ABCA10: variants seen among roughly 807,000 people sequenced by gnomAD.
ABCA10 encodes the protein ATP binding cassette subfamily A member 10, also known as ATP-binding cassette sub-family A member 10.
ABCA10 carries 169 observed loss-of-function variants against 187.5 expected under a neutral mutation model. The observed-to-expected ratio is 0.90, with a 90% CI of 0.80 to 1.02. The LOEUF (loss-of-function observed/expected upper bound fraction) is 1.02. Among genes scored for constraint, ABCA10 ranks in the 50% least tolerant of loss-of-function variants. ABCA10 has a pLI of 0.00. For synonymous variants in ABCA10, 574 were observed against 601.8 expected, an observed-to-expected ratio of 0.95 and a Z score of 0.68; for missense variants, 1,727 against 1,812.4, an observed-to-expected ratio of 0.95 and a Z score of 0.86.
chr17:69,173,405 A>G (rs181279296), intron 25 of ABCA10, among the ~76,000 whole-genome samples: 204 of 152,266 alleles, frequency 1.3e-3, no homozygotes, highest in African/African-American at 4.6e-3. Flanking sequence ...AGGCCAACCA[A>G]TGTAACTGTA....
chr17:69,187,609 T>G, intron 19 of ABCA10, 72 bp downstream of exon 19: 1 of 1,409,666 alleles, frequency 7.1e-7, no homozygotes, highest in South Asian at 1.4e-5. Flanking sequence ...TAAATTAATA[T>G]ATTTACTTTC....
chr17:69,166,339 CA>C lies in ABCA10; in HGVS notation c.3163-1257del, dbSNP rs35351175. The stretch of plus-strand genomic sequence containing the variant: ...GAAGCAGAGAAAAGTCATGAGATTA[CA>C]AAAAAAAAAAAGGTTGAATTGCTTG... On this transcript the variant is annotated intron_variant, in intron 25 of 38. Coordinates refer to ENST00000690296, the MANE Select transcript of ABCA10 (RefSeq NM_001377321.1). Among the ~76,000 whole-genome samples, 220 of 144,688 alleles carry C rather than the reference CA, an allele frequency of 1.5e-3. 1 individual carries two copies. The highest frequency in any genetic ancestry group is 4.4e-3 in the African/African-American group (172 of 38,788). The allele number at this position is 144,688 out of a possible 152,430, so 94.9% of individuals were successfully genotyped here. A position where few individuals can be genotyped will look rare whatever the true frequency, so the allele number is the denominator to read the frequency against.
At chr17:69,183,989 C>G (rs937424582) in intron 20 of ABCA10, among the ~76,000 whole-genome samples, 1 of 152,070 alleles carries the variant, frequency 6.6e-6, no homozygotes, top group Non-Finnish European at 1.5e-5. Context: ...GTTCTCAGTC[C>G]TGCTCACCAG....
chr17:69,236,247 T>G (rs2074870197), intron 1 of ABCA10, among the ~76,000 whole-genome samples: 1 of 152,220 alleles, frequency 6.6e-6, no homozygotes, highest in Non-Finnish European at 1.5e-5. Flanking sequence ...ACTTCTAATA[T>G]TTATAATGCA....
chr17:69,162,995 G>T (rs7216224), intron 27 of ABCA10, among the ~76,000 whole-genome samples: 14,222 of 151,706 alleles, frequency 0.094, 2,294 homozygotes, highest in African/African-American at 0.32. Context: ...ATGCCAGCAC[G>T]CCCAGCTAAT....
upstream of ABCA10, among the ~76,000 whole-genome samples, chr17:69,232,811 G>A (rs1016072314): frequency 1.3e-5 from 2 of 152,062 alleles, no homozygotes; most frequent in Non-Finnish European, 2.9e-5. Context: ...ATTTCTGAAG[G>A]ACAGCTTTGC....
At chr17:69,208,417 C>CAAAAAAAAAAAAA (rs67858017) in intron 9 of ABCA10, among the ~76,000 whole-genome samples, 5 of 89,422 alleles carry the variant, frequency 5.6e-5, no homozygotes, top group African/African-American at 2.3e-4. Context: ...GACTCTGTCT[C>CAAAAAAAAAAAAA]AAAAAAAAAA....
chr17:69,157,389 T>C (rs1473946762), intron 27 of ABCA10, among the ~76,000 whole-genome samples: 1 of 152,142 alleles, frequency 6.6e-6, no homozygotes, highest in Non-Finnish European at 1.5e-5. Context: ...ACTCTTTCTC[T>C]AATAAAGGAT....
intron 9 of ABCA10, among the ~76,000 whole-genome samples, chr17:69,211,294 TATATATACATCATATATATGA>T (rs2074647804): frequency 1.6e-5 from 1 of 63,836 alleles, no homozygotes; most frequent in South Asian, 4.9e-4. Context: ...ATATATATCA[TATATATACATCATATATATGA>T]TATATATATA....
In ABCA10 at chr17:69,153,512, T is replaced by G. The variant is rs761485868; in HGVS notation, c.4000A>C (p.Lys1334Gln). The change falls in exon 33 of 39, where the codon AAG (lysine) becomes CAG (glutamine). Residue 1334 changes from lysine (K) to glutamine (Q), a missense_variant. Coordinates refer to ENST00000690296, the MANE Select transcript of ABCA10 (RefSeq NM_001377321.1). ...TCTGATAGAGTTTTCACAGGAGCCT[T>G]AAGTTGTTCCTGGAGCTTAAGAGCT... ...VEALKLQEQL[K>Q]APVKTLSEGI... is the part of the protein sequence containing the mutation. The G allele has an allele frequency of 3.7e-5, 60 of 1,614,074 alleles. No homozygotes were observed. Among genetic ancestry groups the G allele is most frequent in the Non-Finnish European group, 5.1e-5 (60 of 1,180,028 alleles).
chr17:69,169,466 C>A (rs2074280017), intron 25 of ABCA10, among the ~76,000 whole-genome samples: 1 of 152,154 alleles, frequency 6.6e-6, no homozygotes, highest in Admixed American at 6.5e-5. Flanking sequence ...TTTATAGATT[C>A]AATGCAATCC....
chr17:69,160,363 C>T (rs2074206602), intron 27 of ABCA10, among the ~76,000 whole-genome samples: 1 of 152,172 alleles, frequency 6.6e-6, no homozygotes, highest in South Asian at 2.1e-4. Context: ...AATCCCAGCA[C>T]TTTGGGAGGC....
intron 36 of ABCA10, 67 bp from the exon 37 acceptor site, chr17:69,150,130 G>T (rs1160957565): frequency 1.7e-6 from 2 of 1,175,372 alleles, no homozygotes; most frequent in South Asian, 1.4e-5. Context: ...GGAATTAATA[G>T]GCAAAGTAAA....
At chr17:69,182,855 G>C in intron 20 of ABCA10, 47 bp from the exon 21 acceptor site, 2 of 1,475,108 alleles carry the variant, frequency 1.4e-6, no homozygotes, top group Non-Finnish European at 1.8e-6. Flanking sequence ...AAAAAAGCAA[G>C]AAAATCAAAG....
upstream of ABCA10, among the ~76,000 whole-genome samples, chr17:69,231,441 T>G (rs2074831369): frequency 6.6e-6 from 1 of 152,186 alleles, no homozygotes; most frequent in Admixed American, 6.6e-5. Context: ...TTTTGCTGTA[T>G]CCCTTTGGTT....
intron 9 of ABCA10, among the ~76,000 whole-genome samples, chr17:69,208,331 T>C (rs2074607170): frequency 7.0e-6 from 1 of 143,362 alleles, no homozygotes; most frequent in Non-Finnish European, 1.5e-5. Context: ...GGCAGGAGAA[T>C]GGCGTGAACC....
rs149178761 is a variant in ABCA10 at position 69,198,352 on chromosome 17, G to A, written c.1176-1230C>T. On this transcript the variant is annotated intron_variant, in intron 10 of 38. Transcript: ENST00000690296. ...GGACATATCAGAGACTACATTTCACGGAACCCTCTTTTCAGTATCAGATTT... is the reference window on the plus strand; with the variant it reads ...GGACATATCAGAGACTACATTTCACAGAACCCTCTTTTCAGTATCAGATTT... 1.8e-3 allele frequency among the ~76,000 whole-genome samples: 281 copies of A among 152,112 alleles called. 2 individuals carry two copies. The highest frequency in any genetic ancestry group is 6.4e-3 in the African/African-American group (264 of 41,478).
At chr17:69,210,100 T>TTATTATTATTATTA (rs2074627126) in intron 9 of ABCA10, among the ~76,000 whole-genome samples, 1 of 149,318 alleles carries the variant, frequency 6.7e-6, no homozygotes. Context: ...ATTATTATTA[T>TTATTATTATTATTA]TATTATTTCA....
intron 27 of ABCA10, among the ~76,000 whole-genome samples, chr17:69,163,060 T>C (rs1309704716): frequency 6.6e-6 from 1 of 152,040 alleles, no homozygotes; most frequent in Non-Finnish European, 1.5e-5. Flanking sequence ...TGGTCTTGAA[T>C]TCCTGACCTC....
Sources: gnomAD v4.1 joint callset for allele counts (sites outside exome capture counted in the v4.1 genomes callset) on GRCh38, gnomAD v4.1.1 for gene constraint, MANE v1.5 for transcripts, NCBI Gene and HGNC (gene_info 2026-07-23, HGNC 2026-07-21) for gene names.